The following TIMP2 variants were observed in gnomAD, a reference collection of about 807,000 sequenced individuals.
TIMP2 encodes the protein metalloproteinase inhibitor 2.
TIMP2 carries 5 observed loss-of-function variants against 24.3 expected under a neutral mutation model. The observed-to-expected ratio is 0.21, with a 90% CI of 0.11 to 0.43. The LOEUF is 0.43. TIMP2 is among the 20% of genes least tolerant of loss of function. TIMP2 has a pLI of 1.00. For missense variants in TIMP2, 221 were observed against 297.5 expected, an observed-to-expected ratio of 0.74 and a Z score of 1.89; for synonymous variants, 130 against 123.2, an observed-to-expected ratio of 1.06 and a Z score of -0.37.
Position 78,925,023 on chromosome 17 carries a change from G to A in TIMP2, c.66C>T (p.Arg22=), listed in dbSNP as rs1371247841. Residue 22 remains arginine, a synonymous_variant, in exon 1 of 5, where the codon CGC becomes CGT. Transcript: ENST00000262768. ...LGLLLLATLL[R]PADACSCSPV... ...GGGAGCAGCTGCAGGCGTCGGCCGGGCGAAGCAGCGTCGCCAGCAGCAGGA... is the reference window on the plus strand; with the variant it reads ...GGGAGCAGCTGCAGGCGTCGGCCGGACGAAGCAGCGTCGCCAGCAGCAGGA... 28 of 1,265,212 alleles carry A rather than the reference G, an allele frequency of 2.2e-5. No homozygotes were observed. Among genetic ancestry groups the A allele is most frequent in the Non-Finnish European group, 2.7e-5 (27 of 995,746 alleles). The allele number at this position is 1,265,212 out of a possible 1,614,324, so 78.4% of individuals were successfully genotyped here.
chr17:78,882,447 C>T (rs78160856), intron 1 of TIMP2, among the ~76,000 whole-genome samples: 3,612 of 152,330 alleles, frequency 0.024, 135 homozygotes, highest in African/African-American at 0.083. Context: ...GTGGCCCTGC[C>T]CTGCAACTGC....
In TIMP2 at chr17:78,855,580, G is replaced by C; in HGVS notation, c.*87C>G. The C allele has an allele frequency of 2.8e-6, 4 of 1,438,030 alleles. No individual in the cohort carries two copies. Among genetic ancestry groups the C allele is most frequent in the Non-Finnish European group, 2.9e-6 (3 of 1,051,578 alleles). The allele number at this position is 1,438,030 out of a possible 1,614,324, so 89.1% of individuals were successfully genotyped here. A position where few individuals can be genotyped will look rare whatever the true frequency, so the allele number is the denominator to read the frequency against. ...ATGGGATGAGTGTTTTATTCATGCTGTTTCCAGGAAGGGATGTCAGAGCTG... is the reference window on the plus strand; with the variant it reads ...ATGGGATGAGTGTTTTATTCATGCTCTTTCCAGGAAGGGATGTCAGAGCTG... On this transcript the variant is annotated 3_prime_UTR_variant, in exon 5 of 5. Transcript: ENST00000262768. The surrounding 1 kb of genome is among the most constrained non-coding windows in gnomAD (Gnocchi z 6.0).
At position 78,924,127 on chromosome 17, in the gene TIMP2, G is replaced by A. The variant is rs1256483376; in HGVS notation, c.130+832C>T. Among the ~76,000 whole-genome samples, 1 of 152,208 alleles carries A rather than the reference G, an allele frequency of 6.6e-6. No individual in the cohort carries two copies. Among genetic ancestry groups the A allele is most frequent in the Non-Finnish European group, 1.5e-5 (1 of 68,036 alleles). ...TTTCTGCTGGTCCTCCCCCTCCATG[G>A]ATCAGAACAAATAACTGGGCCCCTC... On this transcript the variant is annotated intron_variant, in intron 1 of 4. Transcript: ENST00000262768. The surrounding 1 kb of genome is among the most constrained non-coding windows in gnomAD (Gnocchi z 5.3).
intron 1 of TIMP2, among the ~76,000 whole-genome samples, chr17:78,895,974 G>GCC (rs1349406094): frequency 6.6e-6 from 1 of 152,244 alleles, no homozygotes; most frequent in Non-Finnish European, 1.5e-5. Context: ...CCCCGTGCCA[G>GCC]CCCCACTGGC....
intron 1 of TIMP2, among the ~76,000 whole-genome samples, chr17:78,909,472 ACC>A (rs1051209048): frequency 7.3e-6 from 1 of 137,276 alleles, no homozygotes; most frequent in Admixed American, 7.3e-5. Context: ...CCCACGAATG[ACC>A]CCCCCACCCA....
chr17:78,882,974 C>T (rs991455937), intron 1 of TIMP2, among the ~76,000 whole-genome samples: 12 of 152,162 alleles, frequency 7.9e-5, no homozygotes, highest in Non-Finnish European at 1.5e-4. Context: ...TTTTGGTCAG[C>T]GGGTGCGGCA....
chr17:78,921,642 C>G (rs1473267255), intron 1 of TIMP2, among the ~76,000 whole-genome samples: 1 of 152,196 alleles, frequency 6.6e-6, no homozygotes, highest in African/African-American at 2.4e-5. Context: ...TGAGAGGGAG[C>G]CGGGCCAGCA....
chr17:78,873,851 T>G lies in TIMP2; in HGVS notation c.199A>C (p.Lys67Gln). The G allele has an allele frequency of 6.2e-7, 1 of 1,613,252 alleles. No individual in the cohort carries two copies. Among genetic ancestry groups the G allele is most frequent in the Non-Finnish European group, 8.5e-7 (1 of 1,179,974 alleles). ...TGCTTGATCTCATACTGGATCCTCTTGATAGGGTTGCCATAAATGTCGTTT... is the reference window on the plus strand; with the variant it reads ...TGCTTGATCTCATACTGGATCCTCTGGATAGGGTTGCCATAAATGTCGTTT... ...SGNDIYGNPI[K>Q]RIQYEIKQIK... Residue 67 changes from lysine to glutamine, a missense_variant, in exon 2 of 5, where the codon AAG becomes CAG. Physicochemically the swap from Lys to Gln is moderately conservative, Grantham distance 53. Transcript: ENST00000262768.
intron 1 of TIMP2, chr17:78,892,608 C>T: frequency 8.5e-7 from 1 of 1,180,854 alleles, no homozygotes; most frequent in Non-Finnish European, 1.2e-6. Flanking sequence ...CCACCAGGGC[C>T]CACTCTCAGC....
chr17:78,907,980 A>G (rs538557290), intron 1 of TIMP2, among the ~76,000 whole-genome samples: 3 of 152,098 alleles, frequency 2.0e-5, no homozygotes, highest in Non-Finnish European at 4.4e-5. Flanking sequence ...CTAAAAATAC[A>G]AAAACTTAGC....
chr17:78,888,481 G>T (rs1279198229), intron 1 of TIMP2, among the ~76,000 whole-genome samples: 1 of 152,040 alleles, frequency 6.6e-6, no homozygotes, highest in African/African-American at 2.4e-5. Context: ...CTGAGACAGG[G>T]TCTCGCTCTG....
Position 78,924,540 on chromosome 17 carries a change from G to A in TIMP2, c.130+419C>T, listed in dbSNP as rs1176161505. Among the ~76,000 whole-genome samples, 2 of 152,066 alleles carry A rather than the reference G, an allele frequency of 1.3e-5. No individual in the cohort carries two copies. Among genetic ancestry groups the A allele is most frequent in the Admixed American group, 1.3e-4 (2 of 15,274 alleles). ...TTCCCCACCCAGCCCCAAGCCCAGA[G>A]AAGCCCAACTCCCACCTTATCTGCG... On this transcript the variant is annotated intron_variant, in intron 1 of 4. Transcript: ENST00000262768. This position sits in a 1 kb window ranked among gnomAD's most constrained non-coding sequence, Gnocchi z 5.3.
chr17:78,891,371 G>T lies in TIMP2; in HGVS notation c.131-17452C>A. ...GCCACACTCTTGCATCTCTGAGAAG[G>T]CATGCCCTTCCCCAGGTCTCTGGTC... On this transcript the variant is annotated intron_variant, in intron 1 of 4. Transcript: ENST00000262768. The surrounding 1 kb of genome is among the most constrained non-coding windows in gnomAD (Gnocchi z 4.5). The T allele has an allele frequency of 6.4e-7, 1 of 1,550,592 alleles. No individual in the cohort carries two copies. The highest frequency in any genetic ancestry group is 8.7e-7 in the Non-Finnish European group (1 of 1,147,024).
At chr17:78,858,168 G>A (rs541900097) in intron 3 of TIMP2, among the ~76,000 whole-genome samples, 1 of 151,628 alleles carries the variant, frequency 6.6e-6, no homozygotes, top group Admixed American at 6.6e-5. Context: ...CCTGGCCAGG[G>A]GCGGTGGCTC....
intron 1 of TIMP2, among the ~76,000 whole-genome samples, chr17:78,919,609 C>T (rs1205993117): frequency 2.6e-5 from 4 of 152,102 alleles, no homozygotes; most frequent in Non-Finnish European, 5.9e-5. Flanking sequence ...CCGAGGTGGG[C>T]GGATCACGAG....
chr17:78,906,869 C>T (rs750072775), intron 1 of TIMP2, among the ~76,000 whole-genome samples: 15 of 152,134 alleles, frequency 9.9e-5, no homozygotes, highest in Non-Finnish European at 2.2e-4. Context: ...AGGCGTGAGC[C>T]ACCGTGTCTG....
rs756254880 is a variant in TIMP2, at chr17:78,870,905, G to A, written c.333C>T (p.Leu111=). ...SLDVGGKKEY[L]IAGKAEGDGK... is the part of the protein sequence containing the mutation. The stretch of plus-strand genomic sequence containing the variant: ...GGCCCCACTCATACACACCTGCAAT[G>A]AGATATTCCTTCTTTCCTCCAACGT... The change falls in exon 3 of 5, where the codon CTC becomes CTT. Residue 111 remains leucine, a synonymous_variant. Coordinates refer to ENST00000262768, the MANE Select transcript of TIMP2 (RefSeq NM_003255.5). The A allele has an allele frequency of 4.3e-6, 7 of 1,613,620 alleles. No individual in the cohort carries two copies. The South Asian group carries it at 7.7e-5, about 18-fold the overall frequency.
intron 1 of TIMP2, among the ~76,000 whole-genome samples, chr17:78,882,499 C>CTAAATGTT (rs1452712172): frequency 6.6e-6 from 1 of 152,246 alleles, no homozygotes; most frequent in East Asian, 1.9e-4. Flanking sequence ...TCTCAGATCG[C>CTAAATGTT]TGTGGGATCC....
intron 1 of TIMP2, among the ~76,000 whole-genome samples, chr17:78,875,803 G>C (rs2069722802): frequency 6.6e-6 from 1 of 152,168 alleles, no homozygotes; most frequent in South Asian, 2.1e-4. Flanking sequence ...GGGGCAAGGA[G>C]GCTCAGGCGT....
Sources: gnomAD v4.1 joint callset for allele counts (sites outside exome capture counted in the v4.1 genomes callset) on GRCh38, gnomAD v4.1.1 for gene constraint, Gnocchi (gnomAD v3.1) non-coding constraint, MANE v1.5 for transcripts, NCBI Gene and HGNC (gene_info 2026-07-23, HGNC 2026-07-21) for gene names.